SEC14L6: variants seen among roughly 807,000 people sequenced by gnomAD.
The protein encoded by SEC14L6 is SEC14-like protein 6.
SEC14L6 carries 40 observed loss-of-function variants against 54.1 expected under a neutral mutation model. That is an observed-to-expected ratio of 0.74 (90% CI 0.57 to 0.96). SEC14L6 has a LOEUF of 0.96. Ranked by LOEUF, SEC14L6 falls within the 40% of genes least tolerant of loss-of-function variation. The pLI is 0.00. For synonymous variants in SEC14L6, 171 were observed against 198.4 expected (o/e 0.86, Z 1.16); for missense variants, 471 against 498.3 (o/e 0.95, Z 0.52).
chr22:30,546,601 T>C (rs1299500122), intron 1 of SEC14L6, 28 bp downstream of exon 1: 1 of 1,545,364 alleles, frequency 6.5e-7, no homozygotes, highest in Non-Finnish European at 8.8e-7. Flanking sequence ...AAACTGAGGC[T>C]GGTGTAGGAG....
At position 30,532,707 on chromosome 22, in the gene SEC14L6, T is replaced by A. The variant is rs1331206643; in HGVS notation, c.241A>T (p.Arg81Trp). Residue 81 changes from arginine to tryptophan, a missense_variant, in exon 5 of 12, where the codon AGG becomes TGG. Transcript: ENST00000402034. Reference protein sequence around the residue: ...ILAWQPPEVVRLYNANGICGH... With the variant: ...ILAWQPPEVVWLYNANGICGH... ...CATATGCCGTTAGCGTTGTACAGCC[T>A]GACCACCTGGATGCATACACAGGAG... 3 of 1,568,554 alleles carry A rather than the reference T, an allele frequency of 1.9e-6. No homozygotes were observed. Among genetic ancestry groups the A allele is most frequent in the Non-Finnish European group, 2.6e-6 (3 of 1,156,606 alleles).
At chr22:30,530,782 G>A (rs1043303877) in intron 6 of SEC14L6, among the ~76,000 whole-genome samples, 1 of 152,242 alleles carries the variant, frequency 6.6e-6, no homozygotes, top group Non-Finnish European at 1.5e-5. Context: ...TGGCTGCCCT[G>A]CGGCCCAGGC....
intron 8 of SEC14L6, among the ~76,000 whole-genome samples, chr22:30,527,532 G>C (rs189649146): frequency 6.6e-6 from 1 of 151,904 alleles, no homozygotes; most frequent in East Asian, 1.9e-4. Context: ...CAATCTGTGT[G>C]AGCGCTACAC....
intron 1 of SEC14L6, chr22:30,544,071 C>T: frequency 6.6e-7 from 1 of 1,507,490 alleles, no homozygotes; most frequent in South Asian, 1.1e-5. Flanking sequence ...GCATCCAGGT[C>T]CCGAGGAAGT....
chr22:30,532,275 G>T, intron 5 of SEC14L6: 1 of 985,466 alleles, frequency 1.0e-6, no homozygotes, highest in Non-Finnish European at 1.2e-6. Context: ...GTCCAATGAG[G>T]CTGCAGAGGG....
intron 1 of SEC14L6, chr22:30,542,769 C>G (rs1451292849): frequency 3.1e-6 from 5 of 1,591,800 alleles, no homozygotes; most frequent in Non-Finnish European, 4.3e-6. Context: ...TGGGGCCCAT[C>G]CAACGGTTCA....
intron 8 of SEC14L6, among the ~76,000 whole-genome samples, chr22:30,527,974 T>A (rs1041384577): frequency 2.0e-5 from 3 of 152,006 alleles, no homozygotes; most frequent in African/African-American, 7.2e-5. Flanking sequence ...TGAACCCATT[T>A]TTTTTTGGAA....
intron 2 of SEC14L6, among the ~76,000 whole-genome samples, chr22:30,534,675 G>T (rs5997677): frequency 0.56 from 85,213 of 151,722 alleles, 24,203 homozygotes; most frequent in Admixed American, 0.61. Flanking sequence ...CCCCCAGAAT[G>T]CTGGGATTAA....
chr22:30,538,502 G>A (rs1568972708), intron 2 of SEC14L6, among the ~76,000 whole-genome samples: 1 of 152,164 alleles, frequency 6.6e-6, no homozygotes, highest in Non-Finnish European at 1.5e-5. Flanking sequence ...CTGTGAGGAA[G>A]AACTGAAGCC....
rs1937047731 is a variant in SEC14L6 at position 30,533,400 on chromosome 22, A to G, written c.175-544T>C. 2.0e-5 allele frequency among the ~76,000 whole-genome samples: 3 copies of G among 152,192 alleles called. No homozygotes were observed. In the South Asian group the frequency reaches 6.2e-4, roughly 31 times the overall value. On this transcript the variant is annotated intron_variant, in intron 3 of 11. Transcript: ENST00000402034. ...TGGATCACCCGAGGTCAGGAGTTCAAGACCAGCCTGGCCAACATGGTGAAA... is the reference window on the plus strand; with the variant it reads ...TGGATCACCCGAGGTCAGGAGTTCAGGACCAGCCTGGCCAACATGGTGAAA...
intron 8 of SEC14L6, among the ~76,000 whole-genome samples, chr22:30,528,043 C>T (rs1437006187): frequency 6.6e-6 from 1 of 151,518 alleles, no homozygotes; most frequent in Non-Finnish European, 1.5e-5. Flanking sequence ...CAGGATATTC[C>T]CCCCTTCCTT....
In SEC14L6 at chr22:30,534,009, TC is replaced by T; in HGVS notation, c.160del (p.Asp54ThrfsTer3). ...ARSFDLQKSE[D>X]MLRKHMEFRK... is the part of the protein sequence containing the mutation. ...TGTCAACCTCACCTTCCTCAGCATG[TC>T]CTCTGATTTCTGCAGGTCAAAGCTC... On this transcript the variant is annotated frameshift_variant, in exon 3 of 12. Coordinates refer to ENST00000402034, the MANE Select transcript of SEC14L6 (RefSeq NM_001193336.4). LOFTEE classifies it high-confidence loss of function. 6.4e-7 allele frequency: 1 copy of T among 1,550,826 alleles called. No homozygotes were observed. The highest frequency in any genetic ancestry group is 8.7e-7 in the Non-Finnish European group (1 of 1,146,994).
chr22:30,540,829 G>C (rs1442252725), intron 1 of SEC14L6, among the ~76,000 whole-genome samples: 1 of 151,858 alleles, frequency 6.6e-6, no homozygotes, highest in Non-Finnish European at 1.5e-5. Context: ...GATCAGCCTT[G>C]CCAACACGGT....
chr22:30,544,613 A>G (rs2146307213), intron 1 of SEC14L6, among the ~76,000 whole-genome samples: 1 of 152,302 alleles, frequency 6.6e-6, no homozygotes, highest in South Asian at 2.1e-4. Flanking sequence ...TGCTGCCAAC[A>G]GTCCTGGCCT....
At chr22:30,529,196 C>T in intron 7 of SEC14L6, 26 bp from the exon 8 acceptor site, 1 of 1,550,390 alleles carries the variant, frequency 6.4e-7, no homozygotes, top group Non-Finnish European at 8.7e-7. Context: ...GAACTGCTCC[C>T]TCAGGCGGCT....
intron 1 of SEC14L6, 119 bp downstream of exon 1, chr22:30,546,510 G>C: frequency 1.1e-6 from 1 of 871,646 alleles, no homozygotes; most frequent in Non-Finnish European, 1.8e-6. Flanking sequence ...AGCCCCTCAG[G>C]GTTGGGAAGA....
intron 1 of SEC14L6, chr22:30,543,283 T>G: frequency 6.3e-7 from 1 of 1,583,854 alleles, no homozygotes. Context: ...GCGGGGGGAC[T>G]CTTTTCGTGG....
intron 6 of SEC14L6, among the ~76,000 whole-genome samples, chr22:30,530,569 A>G (rs969164912): frequency 6.6e-6 from 1 of 151,944 alleles, no homozygotes; most frequent in Non-Finnish European, 1.5e-5. Flanking sequence ...CCCAGCGAAT[A>G]CTCTTATTTT....
Position 30,532,688 on chromosome 22 carries a change from C to A in SEC14L6, c.260G>T (p.Gly87Val). The change falls in exon 5 of 12, where the codon GGC becomes GTC. Residue 87 changes from glycine (G) to valine (V), a missense_variant. Transcript: ENST00000402034. The part of the protein sequence containing the change: ...PEVVRLYNAN[G>V]ICGHDGEGSP... ...GCCCTCACCGTCGTGGCCGCATATG[C>A]CGTTAGCGTTGTACAGCCTGACCAC... 1 of 1,556,868 alleles carries A rather than the reference C, an allele frequency of 6.4e-7. No homozygotes were observed. Among genetic ancestry groups the A allele is most frequent in the African/African-American group, 1.4e-5 (1 of 73,382 alleles).
Sources: gnomAD v4.1 joint callset for allele counts (sites outside exome capture counted in the v4.1 genomes callset) on GRCh38, gnomAD v4.1.1 for gene constraint, MANE v1.5 for transcripts, NCBI Gene and HGNC (gene_info 2026-07-23, HGNC 2026-07-21) for gene names.